MALRD1: variants seen among roughly 807,000 people sequenced by gnomAD.
MALRD1 encodes MAM and LDL receptor class A domain containing 1.
In MALRD1, 247 loss-of-function variants were observed where a neutral mutation model predicts 242.1. The observed-to-expected ratio is 1.02, with a 90% CI of 0.92 to 1.13. MALRD1 has a LOEUF of 1.13. Ranked by LOEUF, MALRD1 falls within the 50% of genes most tolerant of loss-of-function variation. MALRD1 has a pLI of 0.00. For missense variants in MALRD1, 2,989 were observed against 2,533.1 expected, an observed-to-expected ratio of 1.18 and a Z score of -3.86; for synonymous variants, 995 against 866.6, an observed-to-expected ratio of 1.15 and a Z score of -2.60.
At chr10:19,142,447 C>A (rs951060990) in intron 10 of MALRD1, among the ~76,000 whole-genome samples, 5 of 152,028 alleles carry the variant, frequency 3.3e-5, no homozygotes, top group Non-Finnish European at 2.9e-5. Flanking sequence ...TTTTCATGAT[C>A]CAGATTTTTT....
At chr10:19,150,940 A>G (rs1217753756) in intron 11 of MALRD1, among the ~76,000 whole-genome samples, 1 of 152,172 alleles carries the variant, frequency 6.6e-6, no homozygotes, top group Non-Finnish European at 1.5e-5. Flanking sequence ...TATGCAATAG[A>G]TAATAACTAG....
At chr10:19,429,269 A>G (rs1834025902) in intron 28 of MALRD1, among the ~76,000 whole-genome samples, 1 of 152,158 alleles carries the variant, frequency 6.6e-6, no homozygotes, top group Admixed American at 6.6e-5. Context: ...TGTGACTGGG[A>G]GTCAAATAGA....
chr10:19,649,891 T>G (rs1840794078), intron 36 of MALRD1, among the ~76,000 whole-genome samples: 1 of 152,130 alleles, frequency 6.6e-6, no homozygotes, highest in South Asian at 2.1e-4. Context: ...CCATCTTGAG[T>G]TGATTTTTAT....
In MALRD1 at chr10:19,619,226, C is replaced by T. The variant is rs187465372; in HGVS notation, c.6137+3303C>T. ...TGTTAACCTATTTGCCCAGAGGATG[C>T]CTTTTCATCCTTTAGATCCAACATA... is the stretch of plus-strand genomic sequence containing the variant. On this transcript the variant is annotated intron_variant, in intron 36 of 39. Transcript: ENST00000454679. Among the ~76,000 whole-genome samples, 108 of 152,120 alleles carry T rather than the reference C, an allele frequency of 7.1e-4. No individual in the cohort carries two copies. The East Asian group carries it at 0.019, about 26-fold the overall frequency.
intron 29 of MALRD1, among the ~76,000 whole-genome samples, chr10:19,468,615 G>A (rs999035116): frequency 1.5e-4 from 23 of 151,588 alleles, no homozygotes; most frequent in Admixed American, 6.6e-5. Flanking sequence ...CTTTGGCAAC[G>A]AGATAAAATT....
chr10:19,647,920 A>C (rs537352541), intron 36 of MALRD1, among the ~76,000 whole-genome samples: 9 of 152,272 alleles, frequency 5.9e-5, no homozygotes, highest in East Asian at 1.9e-4. Flanking sequence ...AGAGAAACTC[A>C]GGAGGTAAGT....
intron 23 of MALRD1, among the ~76,000 whole-genome samples, chr10:19,330,099 T>A (rs1486022150): frequency 6.6e-6 from 1 of 152,148 alleles, no homozygotes; most frequent in African/African-American, 2.4e-5. Context: ...GTCCTTATTA[T>A]ACTTTCTGGT....
chr10:19,191,198 A>G (rs1183957507), intron 14 of MALRD1, among the ~76,000 whole-genome samples: 1 of 152,252 alleles, frequency 6.6e-6, no homozygotes, highest in African/African-American at 2.4e-5. Flanking sequence ...CATTTCTCCA[A>G]TAAGCATGTG....
At chr10:19,699,989 A>G (rs781010086) in intron 38 of MALRD1, among the ~76,000 whole-genome samples, 12 of 150,824 alleles carry the variant, frequency 8.0e-5, no homozygotes, top group Non-Finnish European at 1.0e-4. Flanking sequence ...AAGACATCCA[A>G]TGATAGAAGG....
At chr10:19,562,123 C>G (rs1243035575) in intron 32 of MALRD1, among the ~76,000 whole-genome samples, 2 of 152,082 alleles carry the variant, frequency 1.3e-5, no homozygotes, top group Non-Finnish European at 2.9e-5. Context: ...TGGTGAAACC[C>G]TGTCTCTACT....
intron 28 of MALRD1, among the ~76,000 whole-genome samples, chr10:19,427,247 G>C (rs191700067): frequency 3.9e-5 from 6 of 152,188 alleles, no homozygotes; most frequent in Admixed American, 3.9e-4. Flanking sequence ...ATGGGCATTT[G>C]GGTCTCAGTC....
chr10:19,285,228 T>C lies in MALRD1; in HGVS notation c.3419+2047T>C, dbSNP rs1841048291. Among the ~76,000 whole-genome samples, 3 of 144,200 alleles carry C rather than the reference T, an allele frequency of 2.1e-5. No homozygotes were observed. The South Asian group carries it at 7.0e-4, about 33-fold the overall frequency. The allele number at this position is 144,200 out of a possible 152,430, so 94.6% of individuals were successfully genotyped here. A position where few individuals can be genotyped will look rare whatever the true frequency, so the allele number is the denominator to read the frequency against. On this transcript the variant is annotated intron_variant, in intron 21 of 39. Coordinates refer to ENST00000454679, the MANE Select transcript of MALRD1 (RefSeq NM_001142308.3). ...TCCTGTTCACTCTGATGGTAGTTTC[T>C]TTTGCTGTGCAGAAGCTCTTTAGTT...
At chr10:19,627,466 G>A (rs566056658) in intron 36 of MALRD1, among the ~76,000 whole-genome samples, 115 of 152,036 alleles carry the variant, frequency 7.6e-4, no homozygotes, top group African/African-American at 2.7e-3. Context: ...GGCCACGTGC[G>A]GTGGCTCACA....
chr10:19,275,558 A>G (rs2131861992), intron 19 of MALRD1, among the ~76,000 whole-genome samples: 1 of 152,098 alleles, frequency 6.6e-6, no homozygotes, highest in East Asian at 1.9e-4. Flanking sequence ...AGTCCCCACT[A>G]CTCAGGTGGC....
chr10:19,306,051 A>G lies in MALRD1; in HGVS notation c.3420-17898A>G, dbSNP rs1218697564. On this transcript the variant is annotated intron_variant, in intron 21 of 39. Transcript: ENST00000454679. ...TATACTATATATTATATAGTATACA[A>G]TTTATTATACTATACTATATATACT... Among the ~76,000 whole-genome samples, 3 of 102,368 alleles carry G rather than the reference A, an allele frequency of 2.9e-5. No homozygotes were observed. In the Admixed American group the frequency reaches 3.3e-4, roughly 11 times the overall value. The allele number at this position is 102,368 out of a possible 152,430, so 67.2% of individuals were successfully genotyped here.
At chr10:19,210,672 A>G (rs1454839119) in intron 18 of MALRD1, among the ~76,000 whole-genome samples, 1 of 148,242 alleles carries the variant, frequency 6.7e-6, no homozygotes, top group African/African-American at 2.5e-5. Flanking sequence ...TTTTGTAACC[A>G]AAAACTTAGC....
intron 17 of MALRD1, among the ~76,000 whole-genome samples, chr10:19,207,145 G>A (rs1027269649): frequency 9.2e-5 from 14 of 151,950 alleles, no homozygotes; most frequent in African/African-American, 2.7e-4. Flanking sequence ...GGCATCAAGT[G>A]TCATTACTAA....
chr10:19,098,561 C>T (rs955655999), intron 4 of MALRD1, among the ~76,000 whole-genome samples: 1 of 152,082 alleles, frequency 6.6e-6, no homozygotes, highest in South Asian at 2.1e-4. Context: ...TAATTACTCT[C>T]ATCATTTTGT....
chr10:19,389,837 A>AT (rs944839751), intron 28 of MALRD1, among the ~76,000 whole-genome samples: 79 of 152,142 alleles, frequency 5.2e-4, no homozygotes, highest in African/African-American at 1.7e-3. Context: ...ATAATTTTAT[A>AT]TTTTTTGTAG....
Sources: gnomAD v4.1 joint callset for allele counts (sites outside exome capture counted in the v4.1 genomes callset) on GRCh38, gnomAD v4.1.1 for gene constraint, MANE v1.5 for transcripts, NCBI Gene and HGNC (gene_info 2026-07-23, HGNC 2026-07-21) for gene names.